NFASC: variants seen among roughly 807,000 people sequenced by gnomAD.
NFASC encodes the protein neurofascin homolog.
Under a neutral mutation model 147.5 loss-of-function variants are expected in NFASC, and 43 were observed. That is an observed-to-expected ratio of 0.29 (90% CI 0.23 to 0.38). NFASC has a LOEUF of 0.38. Ranked by LOEUF, NFASC falls within the 10% of genes least tolerant of loss-of-function variation. NFASC has a pLI of 1.00. For missense variants in NFASC, 1,320 were observed against 1,689.0 expected, an observed-to-expected ratio of 0.78 and a Z score of 3.83; for synonymous variants, 622 against 665.5, an observed-to-expected ratio of 0.93 and a Z score of 1.01.
Position 204,954,445 on chromosome 1 carries a change from G to A in NFASC, c.412+61G>A. ...CCTGGGTAAATGGAGAGTGGGGGGTGTGGAAGGCCATTCCAGAAGGGCTGC... is the reference window on the plus strand; with the variant it reads ...CCTGGGTAAATGGAGAGTGGGGGGTATGGAAGGCCATTCCAGAAGGGCTGC... On this transcript the variant is annotated intron_variant, in intron 6 of 29. Transcript: ENST00000339876. This position sits in a 1 kb window ranked among gnomAD's most constrained non-coding sequence, Gnocchi z 5.7. 6.6e-7 allele frequency: 1 copy of A among 1,520,492 alleles called. No homozygotes were observed. The highest frequency in any genetic ancestry group is 9.0e-7 in the Non-Finnish European group (1 of 1,113,976). 94.2% of individuals were successfully genotyped at this position (1,520,492 alleles called of 1,614,324 possible).
chr1:204,847,291 C>A (rs2075263400), intron 1 of NFASC, among the ~76,000 whole-genome samples: 1 of 152,188 alleles, frequency 6.6e-6, no homozygotes, highest in Non-Finnish European at 1.5e-5. Flanking sequence ...GTCCTAAGTG[C>A]TTTAAATAGA....
At chr1:204,902,241 G>A (rs2084793416) in intron 1 of NFASC, among the ~76,000 whole-genome samples, 2 of 152,142 alleles carry the variant, frequency 1.3e-5, no homozygotes, top group African/African-American at 4.8e-5. Flanking sequence ...ACTGCAGTGA[G>A]CTGTGATTGC....
intron 1 of NFASC, among the ~76,000 whole-genome samples, chr1:204,864,974 G>C (rs2076994651): frequency 6.6e-6 from 1 of 152,144 alleles, no homozygotes; most frequent in Non-Finnish European, 1.5e-5. Context: ...CCTTGTTGCT[G>C]GTGCATTGGT....
chr1:204,935,689 T>A (rs570763609), intron 2 of NFASC, among the ~76,000 whole-genome samples: 12 of 152,134 alleles, frequency 7.9e-5, no homozygotes, highest in African/African-American at 2.9e-4. Flanking sequence ...CGAAATGGGA[T>A]AGAGGAAGAT....
chr1:204,867,409 C>CCACACACACACACA (rs34586429), intron 1 of NFASC, among the ~76,000 whole-genome samples: 3 of 146,810 alleles, frequency 2.0e-5, no homozygotes, highest in African/African-American at 7.6e-5. Flanking sequence ...TCAGAACTCA[C>CCACACACACACACA]CACACACACA....
At chr1:204,836,937 A>G (rs895278508) in intron 1 of NFASC, among the ~76,000 whole-genome samples, 2 of 152,270 alleles carry the variant, frequency 1.3e-5, no homozygotes, top group Non-Finnish European at 2.9e-5. Context: ...TGCTATGTGC[A>G]TTGCACTCTT....
In NFASC at chr1:204,954,976, T is replaced by G. The variant is rs1424776245; in HGVS notation, c.535+25T>G. The G allele has an allele frequency of 2.5e-6, 4 of 1,612,252 alleles. No individual in the cohort carries two copies. The highest frequency in any genetic ancestry group is 3.4e-6 in the Non-Finnish European group (4 of 1,179,278). ...TGTGAGTCTTGGGGGCCTGGTGTTGTGTTTATATCTTAACCTTAGGGGGTG... is the reference window on the plus strand; with the variant it reads ...TGTGAGTCTTGGGGGCCTGGTGTTGGGTTTATATCTTAACCTTAGGGGGTG... On this transcript the variant is annotated intron_variant, in intron 7 of 29. Coordinates refer to ENST00000339876, the MANE Select transcript of NFASC (RefSeq NM_001005388.3). This position sits in a 1 kb window ranked among gnomAD's most constrained non-coding sequence, Gnocchi z 5.7.
In NFASC at chr1:204,968,707, CT is replaced by C; in HGVS notation, c.819-87del. 1 of 1,235,136 alleles carries C rather than the reference CT, an allele frequency of 8.1e-7. No homozygotes were observed. Among genetic ancestry groups the C allele is most frequent in the South Asian group, 1.5e-5 (1 of 66,262 alleles). 76.5% of individuals were successfully genotyped at this position (1,235,136 alleles called of 1,614,324 possible). On this transcript the variant is annotated intron_variant, in intron 9 of 29. Transcript: ENST00000339876. The surrounding 1 kb of genome is among the most constrained non-coding windows in gnomAD (Gnocchi z 5.4). Reference sequence around the variant, plus strand: ...ATGCATCCTCCTGGGCCCAAGTATACTTTTAGGCCACCTGGGTGTCCCCAGC... The same window carrying C: ...ATGCATCCTCCTGGGCCCAAGTATACTTTAGGCCACCTGGGTGTCCCCAGC...
chr1:204,958,137 G>A (rs990175132), intron 8 of NFASC, among the ~76,000 whole-genome samples: 5 of 152,106 alleles, frequency 3.3e-5, no homozygotes, highest in African/African-American at 1.2e-4. Context: ...GAGCCTCTTT[G>A]TTCTTTATGA....
Position 204,951,315 on chromosome 1 carries a change from A to AT in NFASC, c.110-674dup, listed in dbSNP as rs33974199. On this transcript the variant is annotated intron_variant, in intron 4 of 29. Transcript: ENST00000339876. ...AGGTGCTCACCACCATGCCCGGCTA[A>AT]TTTTTTTTTTTTTTTTTTTTTTACT... Among the ~76,000 whole-genome samples, 559 of 118,812 alleles carry AT rather than the reference A, an allele frequency of 4.7e-3. 14 individuals are homozygous for AT. The East Asian group carries it at 0.069, about 15-fold the overall frequency. 77.9% of individuals were successfully genotyped at this position (118,812 alleles called of 152,430 possible). A position where few individuals can be genotyped will look rare whatever the true frequency, so the allele number is the denominator to read the frequency against.
chr1:205,021,925 G>A lies in NFASC; in HGVS notation c.*5386G>A, dbSNP rs1207005017. 1 of 152,624 alleles carries A rather than the reference G, an allele frequency of 6.6e-6. No individual in the cohort carries two copies. Among genetic ancestry groups the A allele is most frequent in the Non-Finnish European group, 1.5e-5 (1 of 68,056 alleles). The allele number at this position is 152,624 out of a possible 1,614,324, so 9.5% of individuals were successfully genotyped here. A position where few individuals can be genotyped will look rare whatever the true frequency, so the allele number is the denominator to read the frequency against. ...AACCCTAGACCGTACCCCGTAGAAT[G>A]GTGTCTCTTGCTTTGTAACACATCG... On this transcript the variant is annotated 3_prime_UTR_variant, in exon 30 of 30. Coordinates refer to ENST00000339876, the MANE Select transcript of NFASC (RefSeq NM_001005388.3).
intron 1 of NFASC, among the ~76,000 whole-genome samples, chr1:204,841,063 C>G (rs980393373): frequency 6.6e-6 from 1 of 152,220 alleles, no homozygotes; most frequent in African/African-American, 2.4e-5. Context: ...CTCTGACTCA[C>G]GTCCTAACGA....
chr1:204,979,708 C>T lies in NFASC; in HGVS notation c.2176+149C>T. The T allele has an allele frequency of 1.4e-6, 1 of 713,580 alleles. No individual in the cohort carries two copies. The highest frequency in any genetic ancestry group is 1.6e-5 in the South Asian group (1 of 60,918). The allele number at this position is 713,580 out of a possible 1,614,324, so 44.2% of individuals were successfully genotyped here. ...TGTGAGGCAGAGAGTAATAATAACA[C>T]CTACATCACAGAGCTGTTGTGAACA... On this transcript the variant is annotated intron_variant, in intron 19 of 29. Transcript: ENST00000339876. This position sits in a 1 kb window ranked among gnomAD's most constrained non-coding sequence, Gnocchi z 6.0.
chr1:204,984,918 C>T (rs1259414576), intron 21 of NFASC, among the ~76,000 whole-genome samples: 1 of 152,148 alleles, frequency 6.6e-6, no homozygotes, highest in Non-Finnish European at 1.5e-5. Context: ...TCTGTGGCCT[C>T]AGAGGTCATC....
intron 1 of NFASC, among the ~76,000 whole-genome samples, chr1:204,874,583 C>G (rs1388187783): frequency 6.6e-6 from 1 of 152,202 alleles, no homozygotes; most frequent in Non-Finnish European, 1.5e-5. Flanking sequence ...ATCTACTTCC[C>G]TCCACCCTCG....
At chr1:204,941,276 A>G (rs2093347464) in intron 2 of NFASC, among the ~76,000 whole-genome samples, 2 of 152,238 alleles carry the variant, frequency 1.3e-5, no homozygotes, top group Non-Finnish European at 2.9e-5. Context: ...TGTTGGAAAA[A>G]CTGGGTTCCA....
rs1165424733 is a variant in NFASC at position 205,016,799 on chromosome 1, T to C, written c.*260T>C. 4 of 545,550 alleles carry C rather than the reference T, an allele frequency of 7.3e-6. No homozygotes were observed. The highest frequency in any genetic ancestry group is 1.4e-5 in the Non-Finnish European group (4 of 295,844). 33.8% of individuals were successfully genotyped at this position (545,550 alleles called of 1,614,324 possible). ...GCTCAGCTGGAGGGAGCCTGGCCCC[T>C]TGCCCGGTCTCGCAGCCACCCCGAG... On this transcript the variant is annotated 3_prime_UTR_variant, in exon 30 of 30. Coordinates refer to ENST00000339876, the MANE Select transcript of NFASC (RefSeq NM_001005388.3). The surrounding 1 kb of genome is among the most constrained non-coding windows in gnomAD (Gnocchi z 5.1).
rs867752095 is a variant in NFASC at position 205,012,684 on chromosome 1, G to T, written c.3422-113G>T. 17 of 803,062 alleles carry T rather than the reference G, an allele frequency of 2.1e-5. 2 individuals carry two copies. The Middle Eastern group carries it at 3.9e-3, about 183-fold the overall frequency. The allele number at this position is 803,062 out of a possible 1,614,324, so 49.7% of individuals were successfully genotyped here. A position where few individuals can be genotyped will look rare whatever the true frequency, so the allele number is the denominator to read the frequency against. ...GTGGATGGTGCCTTGTTAAAAAAGA[G>T]TGTCAGTGAGCCCAGGGCGGTGCCT... On this transcript the variant is annotated intron_variant, in intron 28 of 29. Transcript: ENST00000339876.
At chr1:204,967,358 G>A (rs1424664528) in intron 8 of NFASC, among the ~76,000 whole-genome samples, 5 of 152,002 alleles carry the variant, frequency 3.3e-5, no homozygotes, top group East Asian at 3.9e-4. Context: ...GGTGAGGCTC[G>A]GGGAAGGTGG....
Sources: allele counts gnomAD v4.1 joint callset (sites outside exome capture counted in the v4.1 genomes callset), GRCh38; gene constraint gnomAD v4.1.1; non-coding constraint Gnocchi (gnomAD v3.1); transcripts MANE v1.5; gene names NCBI Gene and HGNC (gene_info 2026-07-23, HGNC 2026-07-21).